TMEM263: variants seen among roughly 807,000 people sequenced by gnomAD.
The protein encoded by TMEM263 is transmembrane protein 263.
TMEM263 carries 5 observed loss-of-function variants against 8.6 expected under a neutral mutation model. That is an observed-to-expected ratio of 0.58 (90% CI 0.31 to 1.23). The LOEUF is 1.23. Ranked by LOEUF, TMEM263 falls within the 50% of genes most tolerant of loss-of-function variation. The probability of loss-of-function intolerance (pLI) is 0.07; values close to 1 mark genes in which losing one functional copy is unlikely to be tolerated. For missense variants in TMEM263, 104 were observed against 138.8 expected (o/e 0.75, Z 1.26); for synonymous variants, 50 against 47.9 (o/e 1.04, Z -0.18).
At chr12:106,957,005 C>A in intron 1 of TMEM263, 77 bp from the exon 2 acceptor site, 1 of 879,716 alleles carries the variant, frequency 1.1e-6, no homozygotes, top group Non-Finnish European at 1.4e-6. Context: ...TTGATTTTTG[C>A]GTCCTTGTGA....
chr12:106,964,562 AGAG>A (rs1433391782), intron 2 of TMEM263, among the ~76,000 whole-genome samples: 1 of 152,204 alleles, frequency 6.6e-6, no homozygotes, highest in Non-Finnish European at 1.5e-5. Flanking sequence ...TTTTTCTGTG[AGAG>A]ATTACTTAGC....
intron 2 of TMEM263, among the ~76,000 whole-genome samples, chr12:106,958,133 G>A (rs1951725150): frequency 6.6e-6 from 1 of 152,142 alleles, no homozygotes. Flanking sequence ...CTATTATAGG[G>A]AAATTGGCAC....
intron 2 of TMEM263, among the ~76,000 whole-genome samples, chr12:106,961,189 G>C (rs1243370275): frequency 7.2e-6 from 1 of 139,658 alleles, no homozygotes; most frequent in African/African-American, 2.7e-5. Context: ...TTCCAAATAT[G>C]TGGGACTACA....
intron 3 of TMEM263, among the ~76,000 whole-genome samples, chr12:106,968,313 T>C (rs1951871995): frequency 6.6e-6 from 1 of 152,040 alleles, no homozygotes; most frequent in African/African-American, 2.4e-5. Context: ...CTATCGGAGA[T>C]TGCAGTGAGC....
chr12:106,958,702 T>C (rs1951731764), intron 2 of TMEM263, among the ~76,000 whole-genome samples: 1 of 152,260 alleles, frequency 6.6e-6, no homozygotes, highest in Admixed American at 6.5e-5. Context: ...TTTATGTCTG[T>C]AGAATAAGTT....
rs1951923910 is a variant in TMEM263 at position 106,971,706 on chromosome 12, T to C, written c.*315T>C. ...CTAAAAATGTGAAAGTTGAATTTAG[T>C]AGATGATCTTCACAGTTCCATATGT... On this transcript the variant is annotated 3_prime_UTR_variant, in exon 4 of 4. Transcript: ENST00000280756. 4.5e-6 allele frequency: 1 copy of C among 222,596 alleles called. No individual in the cohort carries two copies. The highest frequency in any genetic ancestry group is 8.8e-6 in the Non-Finnish European group (1 of 113,558). The allele number at this position is 222,596 out of a possible 1,614,324, so 13.8% of individuals were successfully genotyped here.
intron 3 of TMEM263, among the ~76,000 whole-genome samples, chr12:106,969,893 GAAAAT>G (rs1162787090): frequency 6.7e-6 from 1 of 149,518 alleles, no homozygotes; most frequent in African/African-American, 2.5e-5. Context: ...AAAAAACAAA[GAAAAT>G]AAACTCATGA....
intron 1 of TMEM263, among the ~76,000 whole-genome samples, chr12:106,956,557 G>A (rs543222696): frequency 1.3e-5 from 2 of 152,242 alleles, no homozygotes; most frequent in South Asian, 4.2e-4. Flanking sequence ...GTATCTCCAC[G>A]CCTAACCTAA....
Position 106,956,041 on chromosome 12 carries a change from C to T in TMEM263, c.-99C>T, listed in dbSNP as rs370602330. On this transcript the variant is annotated 5_prime_UTR_variant, in exon 1 of 4. Transcript: ENST00000280756. ...CCCGCTCACTCCGCCCGGCCCCAGCCCTAGCGCTGGCCGCGACCCCGGCGG... is the reference window on the plus strand; with the variant it reads ...CCCGCTCACTCCGCCCGGCCCCAGCTCTAGCGCTGGCCGCGACCCCGGCGG... The T allele has an allele frequency of 7.9e-5, 78 of 985,662 alleles. No homozygotes were observed. In the East Asian group the frequency reaches 4.7e-3, roughly 59 times the overall value. 61.1% of individuals were successfully genotyped at this position (985,662 alleles called of 1,614,324 possible). A position where few individuals can be genotyped will look rare whatever the true frequency, so the allele number is the denominator to read the frequency against.
intron 3 of TMEM263, among the ~76,000 whole-genome samples, chr12:106,968,812 T>TTGGCA (rs1156442513): frequency 6.6e-6 from 1 of 152,246 alleles, no homozygotes; most frequent in Non-Finnish European, 1.5e-5. Context: ...AATGAGATAT[T>TTGGCA]TGGCATGAGG....
intron 2 of TMEM263, among the ~76,000 whole-genome samples, chr12:106,960,319 G>C (rs1951754270): frequency 1.3e-5 from 2 of 151,480 alleles, no homozygotes; most frequent in Non-Finnish European, 2.9e-5. Context: ...ACAGGTGTGA[G>C]CCACCATGTC....
intron 2 of TMEM263, among the ~76,000 whole-genome samples, chr12:106,961,224 A>ATTTTTTTTTTTTTTTTTTTTTTTTTTTT (rs554707654): frequency 1.3e-5 from 1 of 75,116 alleles, no homozygotes; most frequent in African/African-American, 6.1e-5. Context: ...TGCCCAGTCA[A>ATTTTTTTTTTTTTTTTTTTTTTTTTTTT]TTTTTTTTTT....
At chr12:106,965,794 T>C (rs775519929) in intron 2 of TMEM263, among the ~76,000 whole-genome samples, 69 of 152,016 alleles carry the variant, frequency 4.5e-4, no homozygotes, top group Admixed American at 5.9e-4. Flanking sequence ...TGTATTGATA[T>C]ATACATATAT....
intron 2 of TMEM263, among the ~76,000 whole-genome samples, chr12:106,961,864 C>T (rs1454474117): frequency 1.3e-5 from 2 of 152,092 alleles, no homozygotes; most frequent in African/African-American, 4.8e-5. Context: ...GAACAAAACT[C>T]AGTGATACCA....
chr12:106,965,051 C>T (rs1340567335), intron 2 of TMEM263, among the ~76,000 whole-genome samples: 3 of 152,088 alleles, frequency 2.0e-5, no homozygotes, highest in South Asian at 4.1e-4. Flanking sequence ...AGCCACTCTC[C>T]ATCATCACCT....
intron 2 of TMEM263, among the ~76,000 whole-genome samples, chr12:106,965,340 C>G (rs1037467957): frequency 2.0e-5 from 3 of 152,184 alleles, no homozygotes; most frequent in African/African-American, 7.2e-5. Flanking sequence ...GGCGCAGTGG[C>G]TTATGCCTGT....
intron 2 of TMEM263, among the ~76,000 whole-genome samples, chr12:106,964,553 T>G: frequency 6.6e-6 from 1 of 152,218 alleles, no homozygotes; most frequent in East Asian, 1.9e-4. Flanking sequence ...TCTTACTAGT[T>G]TTTCTGTGAG....
In TMEM263 at chr12:106,956,030, C is replaced by G. The variant is rs1351350553; in HGVS notation, c.-110C>G. On this transcript the variant is annotated 5_prime_UTR_variant, in exon 1 of 4. Transcript: ENST00000280756. Reference sequence around the variant, plus strand: ...CTCTGCGCCGGCCCGCTCACTCCGCCCGGCCCCAGCCCTAGCGCTGGCCGC... The same window carrying G: ...CTCTGCGCCGGCCCGCTCACTCCGCGCGGCCCCAGCCCTAGCGCTGGCCGC... 1.0e-6 allele frequency: 1 copy of G among 985,616 alleles called. No homozygotes were observed. The highest frequency in any genetic ancestry group is 1.2e-6 in the Non-Finnish European group (1 of 830,186). 61.1% of individuals were successfully genotyped at this position (985,616 alleles called of 1,614,324 possible). A position where few individuals can be genotyped will look rare whatever the true frequency, so the allele number is the denominator to read the frequency against.
chr12:106,966,146 C>T (rs1951844279), intron 2 of TMEM263, among the ~76,000 whole-genome samples: 1 of 152,124 alleles, frequency 6.6e-6, no homozygotes, highest in Non-Finnish European at 1.5e-5. Context: ...TTCCACTCAC[C>T]ACCTACAAGC....
Sources: gnomAD v4.1 joint callset for allele counts (sites outside exome capture counted in the v4.1 genomes callset) on GRCh38, gnomAD v4.1.1 for gene constraint, MANE v1.5 for transcripts, NCBI Gene and HGNC (gene_info 2026-07-23, HGNC 2026-07-21) for gene names.